The following CDH23 variants were observed in gnomAD, a reference collection of about 807,000 sequenced individuals.
CDH23 encodes the protein cadherin-23.
A neutral mutation model predicts 317.1 loss-of-function variants in CDH23; 189 were observed. The ratio of observed to expected loss-of-function variants is 0.60; its 90% CI spans 0.53 to 0.67. The LOEUF is 0.67. Ranked by LOEUF, CDH23 falls within the 30% of genes least tolerant of loss-of-function variation. The pLI, the probability that CDH23 is intolerant of heterozygous loss-of-function variation, is 0.00. For synonymous variants in CDH23, 1,839 were observed against 1,876.8 expected, an observed-to-expected ratio of 0.98 and a Z score of 0.52; for missense variants, 4,401 against 4,592.4, an observed-to-expected ratio of 0.96 and a Z score of 1.20.
At chr10:71,778,131 G>C in intron 39 of CDH23, 58 bp from the exon 40 acceptor site, 2 of 1,604,148 alleles carry the variant, frequency 1.2e-6, no homozygotes, top group Non-Finnish European at 1.7e-6. Flanking sequence ...ATTGGTCAGA[G>C]GGTGCTGCAG....
At chr10:71,467,441 G>T (rs1421335403) in intron 3 of CDH23, among the ~76,000 whole-genome samples, 5 of 152,230 alleles carry the variant, frequency 3.3e-5, no homozygotes, top group Non-Finnish European at 5.9e-5. Context: ...CGATGGTGAT[G>T]CTGCTGGTCT....
chr10:71,638,194 G>A (rs1862365744), intron 11 of CDH23, among the ~76,000 whole-genome samples: 1 of 152,192 alleles, frequency 6.6e-6, no homozygotes, highest in African/African-American at 2.4e-5. Flanking sequence ...GAGAGGAAGT[G>A]AGTTGTCTAA....
At chr10:71,808,226 T>C (rs1841801371) in intron 60 of CDH23, among the ~76,000 whole-genome samples, 1 of 151,872 alleles carries the variant, frequency 6.6e-6, no homozygotes, top group South Asian at 2.1e-4. Context: ...TTCTTTTCAT[T>C]CTCTCTTCTT....
chr10:71,455,136 C>A (rs756354200), intron 3 of CDH23, among the ~76,000 whole-genome samples: 4 of 152,172 alleles, frequency 2.6e-5, no homozygotes, highest in Non-Finnish European at 5.9e-5. Flanking sequence ...GCCACTGCAC[C>A]TGGCCCCTTA....
At chr10:71,644,455 G>T (rs1283666185) in intron 12 of CDH23, among the ~76,000 whole-genome samples, 1 of 152,250 alleles carries the variant, frequency 6.6e-6, no homozygotes, top group Non-Finnish European at 1.5e-5. Context: ...GAGCATTTAG[G>T]GGGCAGCCCC....
intron 9 of CDH23, among the ~76,000 whole-genome samples, chr10:71,595,303 C>G (rs1305914388): frequency 1.3e-5 from 2 of 152,306 alleles, no homozygotes; most frequent in East Asian, 3.9e-4. Flanking sequence ...CCGTTCCCCT[C>G]TTTTCCATCT....
At chr10:71,479,797 T>C (rs923052985) in intron 3 of CDH23, among the ~76,000 whole-genome samples, 1 of 151,862 alleles carries the variant, frequency 6.6e-6, no homozygotes, top group Non-Finnish European at 1.5e-5. Context: ...CATACACTCC[T>C]GTGGGAGCAG....
rs547421734 is a variant in CDH23, at chr10:71,554,213, T to C, written c.430-12529T>C. ...TTTGTCGGATTTTTGTTTTTCATTT[T>C]TTGAGACAGGGTCTCACTCTGTGGC... On this transcript the variant is annotated intron_variant, in intron 6 of 69. Coordinates refer to ENST00000224721, the MANE Select transcript of CDH23 (RefSeq NM_022124.6). Among the ~76,000 whole-genome samples, 74 of 152,334 alleles carry C rather than the reference T, an allele frequency of 4.9e-4. 1 individual carries two copies. Among genetic ancestry groups the C allele is most frequent in the African/African-American group, 1.6e-3 (68 of 41,574 alleles).
rs769295920 is a variant in CDH23, at chr10:71,803,120, A to AG, written c.7660+50dup. Reference sequence around the variant, plus strand: ...CACCCATGATGTCTTGGGGGGTGGGAGGGGGAGGCCTGCCAGCCCAGGCCA... The same window carrying AG: ...CACCCATGATGTCTTGGGGGGTGGGAGGGGGGAGGCCTGCCAGCCCAGGCCA... On this transcript the variant is annotated intron_variant, in intron 54 of 69. Transcript: ENST00000224721. The AG allele has an allele frequency of 3.9e-5, 33 of 843,114 alleles. No individual in the cohort carries two copies. The East Asian group carries it at 1.3e-3, about 33-fold the overall frequency. The allele number at this position is 843,114 out of a possible 1,614,324, so 52.2% of individuals were successfully genotyped here. A position where few individuals can be genotyped will look rare whatever the true frequency, so the allele number is the denominator to read the frequency against.
chr10:71,570,969 C>T, intron 8 of CDH23, 51 bp downstream of exon 8: 7 of 1,599,238 alleles, frequency 4.4e-6, no homozygotes, highest in Non-Finnish European at 4.3e-6. Context: ...GAGGGACTTC[C>T]TTCTGAGCTC....
intron 22 of CDH23, among the ~76,000 whole-genome samples, chr10:71,699,922 C>G (rs1462118750): frequency 6.6e-6 from 1 of 152,162 alleles, no homozygotes; most frequent in Non-Finnish European, 1.5e-5. Context: ...AGCAGCTACC[C>G]TGGCACTCTC....
rs41281334 is a variant in CDH23, at chr10:71,798,371, G to A, written c.6847G>A (p.Val2283Ile). The change falls in exon 50 of 70, where the codon GTC becomes ATC. Residue 2283 changes from valine to isoleucine, a missense_variant. Val to Ile is a conservative substitution (Grantham distance 29). Transcript: ENST00000224721. ...CACCACAGCCAAGCTGACTGTCAAC[G>A]TCCTGGACGTCAATGACAATACGCC... The part of the protein sequence containing the change: ...SVPNAKLTVN[V>I]LDVNDNTPQF... 0.046 allele frequency: 73,779 copies of A among 1,613,470 alleles called. 2,222 individuals carry two copies. The highest frequency in any genetic ancestry group is 0.15 in the Admixed American group (8,813 of 60,018).
At chr10:71,405,701 G>T (rs930038796) in intron 1 of CDH23, among the ~76,000 whole-genome samples, 1 of 152,174 alleles carries the variant, frequency 6.6e-6, no homozygotes, top group African/African-American at 2.4e-5. Context: ...GCCTCCCAAA[G>T]TGCTGGGATT....
chr10:71,447,940 C>T (rs1452281506), intron 3 of CDH23, among the ~76,000 whole-genome samples: 2 of 152,222 alleles, frequency 1.3e-5, no homozygotes, highest in Admixed American at 1.3e-4. Flanking sequence ...GATGGATGTG[C>T]TGTTAGCAGC....
At chr10:71,733,434 G>A (rs79147732) in intron 32 of CDH23, among the ~76,000 whole-genome samples, 168 of 152,218 alleles carry the variant, frequency 1.1e-3, no homozygotes, top group African/African-American at 3.8e-3. Context: ...GTAGAGGCAG[G>A]GCTGAACATT....
intron 38 of CDH23, among the ~76,000 whole-genome samples, chr10:71,767,886 CG>C (rs929801574): frequency 7.9e-5 from 12 of 152,292 alleles, no homozygotes; most frequent in African/African-American, 2.9e-4. Flanking sequence ...TCCGTGCATC[CG>C]GGGCTGGAGC....
chr10:71,787,550 C>T (rs1841139289), intron 44 of CDH23, among the ~76,000 whole-genome samples: 1 of 152,012 alleles, frequency 6.6e-6, no homozygotes, highest in Non-Finnish European at 1.5e-5. Flanking sequence ...CATCCTCCCA[C>T]CCTTCTGAGT....
At chr10:71,798,986 G>A (rs1200146311) in intron 50 of CDH23, 125 bp from the exon 51 acceptor site, 12 of 890,138 alleles carry the variant, frequency 1.3e-5, no homozygotes, top group Non-Finnish European at 2.1e-5. Context: ...GGGTGGTGCT[G>A]CCTGACCACC....
intron 38 of CDH23, among the ~76,000 whole-genome samples, chr10:71,756,980 T>C (rs982356324): frequency 6.6e-6 from 1 of 152,258 alleles, no homozygotes; most frequent in Non-Finnish European, 1.5e-5. Context: ...GAACAGTTGC[T>C]ATGCTAATTA....
Sources: allele counts gnomAD v4.1 joint callset (sites outside exome capture counted in the v4.1 genomes callset), GRCh38; gene constraint gnomAD v4.1.1; transcripts MANE v1.5; gene names NCBI Gene and HGNC (gene_info 2026-07-23, HGNC 2026-07-21).